PNPLA4: variants seen among roughly 807,000 people sequenced by gnomAD.
PNPLA4 encodes patatin-like phospholipase domain-containing protein 4.
A neutral mutation model predicts 18.3 loss-of-function variants in PNPLA4; 15 were observed. The observed-to-expected ratio is 0.82, with a 90% confidence interval of 0.55 to 1.26. The LOEUF (loss-of-function observed/expected upper bound fraction) is 1.26, where lower values mean the gene tolerates loss of function less well. Among genes scored for constraint, PNPLA4 ranks in the 50% most tolerant of loss-of-function variants. The pLI is 0.00. For synonymous variants in PNPLA4, 88 were observed against 85.6 expected (o/e 1.03, Z -0.16); for missense variants, 229 against 196.8 (o/e 1.16, Z -0.98).
At chrX:7,916,750 C>T (rs1447012657) in intron 4 of PNPLA4, among the ~76,000 whole-genome samples, 6 of 110,760 alleles carry the variant, frequency 5.4e-5, no homozygotes, top group Non-Finnish European at 1.1e-4. Flanking sequence ...GATCTGCTGG[C>T]GACCCACAGA....
chrX:7,922,166 T>C (rs1924248931), intron 2 of PNPLA4, 68 bp from the exon 3 acceptor site: 1 of 817,385 alleles, frequency 1.2e-6, no homozygotes, highest in Non-Finnish European at 1.8e-6. Context: ...CTTCTAAAAC[T>C]TGGGATTCTA....
At chrX:7,905,063 C>T (rs1923664596) in intron 5 of PNPLA4, among the ~76,000 whole-genome samples, 1 of 112,320 alleles carries the variant, frequency 8.9e-6, no homozygotes, top group African/African-American at 3.2e-5. Flanking sequence ...AAATGTGTTC[C>T]ACATTCAAGT....
At chrX:7,903,256 T>G (rs1923596500) in intron 5 of PNPLA4, among the ~76,000 whole-genome samples, 1 of 106,240 alleles carries the variant, frequency 9.4e-6, no homozygotes, top group Non-Finnish European at 1.9e-5. Flanking sequence ...CAATGTGTCT[T>G]TTTCATGTCC....
At position 7,907,727 on chromosome X, in the gene PNPLA4, CT is replaced by C. The variant is rs755174072; in HGVS notation, c.477+4300del. ...TTTTAAAAAGCAGTTTTCTTTCTTT[CT>C]TTTTTTTTTTTAAACAGGGTTTCAC... On this transcript the variant is annotated intron_variant, in intron 5 of 6. Coordinates refer to ENST00000381042, the MANE Select transcript of PNPLA4 (RefSeq NM_004650.3). Among the ~76,000 whole-genome samples the C allele has an allele frequency of 3.4e-3, 345 of 102,186 alleles. 1 individual carries two copies. Among genetic ancestry groups the C allele is most frequent in the African/African-American group, 9.6e-3 (271 of 28,339 alleles). The allele number at this position is 102,186 out of a possible 115,157, so 88.7% of individuals were successfully genotyped here.
rs192974310 is a variant in PNPLA4, at chrX:7,900,555, T to C, written c.*131A>G. On this transcript the variant is annotated 3_prime_UTR_variant, in exon 7 of 7. Coordinates refer to ENST00000381042, the MANE Select transcript of PNPLA4 (RefSeq NM_004650.3). Reference sequence around the variant, plus strand: ...CATGTGCTAAGTAATAATTCAAATATTAAAAATAAACACAAATATTACAAG... The same window carrying C: ...CATGTGCTAAGTAATAATTCAAATACTAAAAATAAACACAAATATTACAAG... The C allele has an allele frequency of 7.8e-5, 35 of 451,084 alleles. No homozygotes were observed. The highest frequency in any genetic ancestry group is 1.2e-4 in the Non-Finnish European group (33 of 276,600). The allele number at this position is 451,084 out of a possible 1,213,427, so 37.2% of individuals were successfully genotyped here.
chrX:7,910,869 T>G (rs887203098), intron 5 of PNPLA4, among the ~76,000 whole-genome samples: 1 of 109,494 alleles, frequency 9.1e-6, no homozygotes, highest in African/African-American at 3.3e-5. Context: ...TAGTTAGATA[T>G]CTACTCTATT....
At chrX:7,910,757 AAAC>A (rs1923847827) in intron 5 of PNPLA4, among the ~76,000 whole-genome samples, 1 of 110,090 alleles carries the variant, frequency 9.1e-6, no homozygotes, top group African/African-American at 3.3e-5. Flanking sequence ...GGTATGTGCT[AAAC>A]AGATACCCTA....
chrX:7,926,273 T>C (rs1924401985), intron 1 of PNPLA4, 141 bp from the exon 2 acceptor site: 1 of 434,849 alleles, frequency 2.3e-6, no homozygotes, highest in Non-Finnish European at 3.8e-6. Context: ...TTAATTCTAA[T>C]TAAACACAAG....
rs768164559 is a variant in PNPLA4, at chrX:7,902,115, G to C, written c.504C>G (p.Asn168Lys). The C allele has an allele frequency of 8.3e-7, 1 of 1,204,051 alleles. No individual in the cohort carries two copies. The highest frequency in any genetic ancestry group is 1.8e-5 in the South Asian group (1 of 55,477). ...GQKWVDGGLT[N>K]ALPILPVGRT... Reference sequence around the variant, plus strand: ...GGCCGACGGGCAGGATGGGAAGAGCGTTGGTGAGGCCTCCGTCCACCCACT... The same window carrying C: ...GGCCGACGGGCAGGATGGGAAGAGCCTTGGTGAGGCCTCCGTCCACCCACT... The change falls in exon 6 of 7, where the codon AAC becomes AAG. Residue 168 changes from asparagine to lysine, a missense_variant. Asn to Lys is a moderately conservative substitution (Grantham distance 94). Coordinates refer to ENST00000381042, the MANE Select transcript of PNPLA4 (RefSeq NM_004650.3).
intron 4 of PNPLA4, among the ~76,000 whole-genome samples, chrX:7,918,138 C>T (rs1186287375): frequency 2.7e-5 from 3 of 111,606 alleles, no homozygotes; most frequent in Non-Finnish European, 3.8e-5. Flanking sequence ...CTCTGTCTCC[C>T]ATCCCCTCCC....
chrX:7,922,976 G>C (rs1348801082), intron 2 of PNPLA4, among the ~76,000 whole-genome samples: 2 of 112,117 alleles, frequency 1.8e-5, no homozygotes, highest in Non-Finnish European at 3.8e-5. Flanking sequence ...CTCTCATTTA[G>C]TGCAAAAAAT....
rs1923493395 is a variant in PNPLA4 at position 7,900,407 on chromosome X, C to T, written c.*279G>A. 1.4e-5 allele frequency: 2 copies of T among 148,031 alleles called. No individual in the cohort carries two copies. Among genetic ancestry groups the T allele is most frequent in the Non-Finnish European group, 2.6e-5 (2 of 77,269 alleles). 12.2% of individuals were successfully genotyped at this position (148,031 alleles called of 1,213,427 possible). A position where few individuals can be genotyped will look rare whatever the true frequency, so the allele number is the denominator to read the frequency against. On this transcript the variant is annotated 3_prime_UTR_variant, in exon 7 of 7. Transcript: ENST00000381042. ...CCATTTTCCATGTTCCTCAATTTAC[C>T]CAAAGAACCTATCCTCCTCCATTTT...
intron 2 of PNPLA4, 118 bp downstream of exon 2, chrX:7,925,822 T>C (rs1924374523): frequency 5.2e-6 from 3 of 573,056 alleles, no homozygotes; most frequent in Admixed American, 3.9e-5. Flanking sequence ...TAATCCTTTC[T>C]GTTTCCAAGC....
rs780823912 is a variant in PNPLA4, at chrX:7,912,043, C to T, written c.462G>A (p.Val154=). 2.6e-5 allele frequency: 31 copies of T among 1,200,588 alleles called. No homozygotes were observed. The South Asian group carries it at 5.1e-4, about 20-fold the overall frequency. ...FVPIYAGLKL[V]EYKGQKWVDG... is the part of the protein sequence containing the mutation. ...ACAAGCTTACCTGCCCTTTGTATTC[C>T]ACTAGCTTCAGTCCTGCATAAATGG... Residue 154 remains valine, a synonymous_variant, in exon 5 of 7, where the codon GTG becomes GTA. Coordinates refer to ENST00000381042, the MANE Select transcript of PNPLA4 (RefSeq NM_004650.3).
chrX:7,918,901 C>T (rs948169550), intron 4 of PNPLA4, among the ~76,000 whole-genome samples: 5 of 112,274 alleles, frequency 4.5e-5, no homozygotes, highest in South Asian at 7.4e-4. Context: ...CCCCTAAATG[C>T]TTCATGAGTA....
chrX:7,911,186 G>A (rs1185483265), intron 5 of PNPLA4, among the ~76,000 whole-genome samples: 2 of 112,039 alleles, frequency 1.8e-5, no homozygotes, highest in Non-Finnish European at 3.8e-5. Flanking sequence ...TATCTCTGGT[G>A]TCTGTAAAAT....
chrX:7,925,577 TA>T (rs752893764), intron 2 of PNPLA4, among the ~76,000 whole-genome samples: 11 of 112,103 alleles, frequency 9.8e-5, no homozygotes, highest in South Asian at 7.4e-4. Context: ...AGCAGTGAGG[TA>T]AGACTTGTTG....
chrX:7,914,730 T>C (rs1358214412), intron 4 of PNPLA4, among the ~76,000 whole-genome samples: 3 of 110,396 alleles, frequency 2.7e-5, no homozygotes, highest in African/African-American at 1.0e-4. Flanking sequence ...TCACTAACCT[T>C]AGAATTATGT....
intron 4 of PNPLA4, among the ~76,000 whole-genome samples, chrX:7,915,993 A>C (rs1341403514): frequency 8.9e-6 from 1 of 111,926 alleles, no homozygotes; most frequent in African/African-American, 3.3e-5. Context: ...AATTTTCTCA[A>C]GACGGCCAGG....
Sources: gnomAD v4.1 joint callset for allele counts (sites outside exome capture counted in the v4.1 genomes callset) on GRCh38, gnomAD v4.1.1 for gene constraint, MANE v1.5 for transcripts, NCBI Gene and HGNC (gene_info 2026-07-23, HGNC 2026-07-21) for gene names.